The following FRMD5 variants were observed in gnomAD, a reference collection of about 807,000 sequenced individuals.
The protein encoded by FRMD5 is FERM domain containing 5.
In FRMD5, 20 loss-of-function variants were observed where a neutral mutation model predicts 69.0. That is an observed-to-expected ratio of 0.29 (90% CI 0.20 to 0.42). The LOEUF (loss-of-function observed/expected upper bound fraction) is 0.42. Among genes scored for constraint, FRMD5 ranks in the 10% least tolerant of loss-of-function variants. The probability of loss-of-function intolerance (pLI) is 1.00; values close to 1 mark genes in which losing one functional copy is unlikely to be tolerated. For missense variants in FRMD5, 595 were observed against 708.6 expected (o/e 0.84, Z 1.82); for synonymous variants, 271 against 260.1 (o/e 1.04, Z -0.40).
chr15:44,154,811 A>C (rs146825946), intron 1 of FRMD5, among the ~76,000 whole-genome samples: 50 of 152,306 alleles, frequency 3.3e-4, no homozygotes, highest in South Asian at 1.5e-3. Flanking sequence ...TAAGGGGTGC[A>C]GGGTTTCATT....
At chr15:44,190,019 A>G (rs1181246758) in intron 1 of FRMD5, among the ~76,000 whole-genome samples, 1 of 152,218 alleles carries the variant, frequency 6.6e-6, no homozygotes, top group Non-Finnish European at 1.5e-5. Flanking sequence ...AGTCAAGACC[A>G]GAAAACAGGG....
chr15:43,924,155 GTCT>G (rs745672760), intron 2 of FRMD5, 47 bp downstream of exon 2: 5 of 1,365,434 alleles, frequency 3.7e-6, no homozygotes, highest in African/African-American at 1.4e-5. Flanking sequence ...CAAGACCTCA[GTCT>G]TATTGACTAG....
At chr15:44,139,290 CCTCT>C (rs1276847796) in intron 1 of FRMD5, among the ~76,000 whole-genome samples, 2 of 144,990 alleles carry the variant, frequency 1.4e-5, no homozygotes, top group Admixed American at 6.8e-5. Context: ...TATAGCTCCC[CCTCT>C]CTCTACACAC....
chr15:43,912,539 G>A (rs924571299), intron 4 of FRMD5, among the ~76,000 whole-genome samples: 9 of 151,868 alleles, frequency 5.9e-5, no homozygotes, highest in African/African-American at 1.7e-4. Context: ...CACGCATCAC[G>A]TCTTCCATGT....
chr15:43,878,997 G>C (rs891420973), intron 13 of FRMD5, among the ~76,000 whole-genome samples: 3 of 145,506 alleles, frequency 2.1e-5, no homozygotes, highest in Non-Finnish European at 1.5e-5. Context: ...GAGTGCAATG[G>C]TGCAATCTCG....
chr15:43,950,847 T>A (rs868159608), intron 1 of FRMD5, among the ~76,000 whole-genome samples: 1 of 152,212 alleles, frequency 6.6e-6, no homozygotes, highest in South Asian at 2.1e-4. Flanking sequence ...TCCCCTGCCA[T>A]CATTTTGGTA....
intron 5 of FRMD5, among the ~76,000 whole-genome samples, chr15:43,906,671 G>A: frequency 6.6e-6 from 1 of 151,326 alleles, no homozygotes; most frequent in Non-Finnish European, 1.5e-5. Flanking sequence ...GTGCGATCTT[G>A]GCTCACTGCA....
chr15:44,127,122 G>A (rs577588719), intron 1 of FRMD5, among the ~76,000 whole-genome samples: 15 of 152,164 alleles, frequency 9.9e-5, no homozygotes, highest in Admixed American at 6.5e-4. Context: ...TCGCTCTGTC[G>A]CCCAGGCTTG....
intron 1 of FRMD5, among the ~76,000 whole-genome samples, chr15:44,093,189 C>A (rs1293484005): frequency 5.3e-5 from 8 of 152,070 alleles, no homozygotes; most frequent in Non-Finnish European, 1.2e-4. Context: ...CTCAACCTCC[C>A]AAAGCGCTGG....
At chr15:43,971,004 C>T (rs1377496793) in intron 1 of FRMD5, among the ~76,000 whole-genome samples, 1 of 152,010 alleles carries the variant, frequency 6.6e-6, no homozygotes, top group African/African-American at 2.4e-5. Flanking sequence ...AATCCCAATG[C>T]TTTGGGAGGG....
intron 1 of FRMD5, among the ~76,000 whole-genome samples, chr15:43,938,228 T>C (rs1371938395): frequency 1.9e-5 from 2 of 104,768 alleles, no homozygotes; most frequent in East Asian, 2.7e-4. Context: ...CGAGACTCCG[T>C]CTCAAAAAAA....
intron 1 of FRMD5, among the ~76,000 whole-genome samples, chr15:44,167,323 G>A (rs186900444): frequency 5.9e-4 from 89 of 151,572 alleles, no homozygotes; most frequent in African/African-American, 2.0e-3. Flanking sequence ...AGCCAAGATC[G>A]CATCACTGCA....
At chr15:44,027,097 CTG>C (rs1439992581) in intron 1 of FRMD5, among the ~76,000 whole-genome samples, 2 of 152,224 alleles carry the variant, frequency 1.3e-5, no homozygotes, top group African/African-American at 4.8e-5. Context: ...TGTTCACAAA[CTG>C]TGGACAATGA....
At chr15:43,988,467 TG>T (rs1416007954) in intron 1 of FRMD5, among the ~76,000 whole-genome samples, 1 of 143,686 alleles carries the variant, frequency 7.0e-6, no homozygotes, top group Middle Eastern at 3.5e-3. Context: ...GAAACATAAG[TG>T]TTTTTTTTAT....
At chr15:43,910,772 C>A (rs918762688) in intron 4 of FRMD5, among the ~76,000 whole-genome samples, 1 of 152,158 alleles carries the variant, frequency 6.6e-6, no homozygotes, top group Non-Finnish European at 1.5e-5. Context: ...CCAGGTGTTA[C>A]ACACTTTACA....
chr15:44,098,119 A>AC lies in FRMD5; in HGVS notation c.102+96833_102+96834insG, dbSNP rs1555403622. 5.0e-4 allele frequency among the ~76,000 whole-genome samples: 55 copies of AC among 109,814 alleles called. No individual in the cohort carries two copies. In the Middle Eastern group the frequency reaches 0.012, roughly 25 times the overall value. The allele number at this position is 109,814 out of a possible 152,430, so 72.0% of individuals were successfully genotyped here. A position where few individuals can be genotyped will look rare whatever the true frequency, so the allele number is the denominator to read the frequency against. On this transcript the variant is annotated intron_variant, in intron 1 of 13. Transcript: ENST00000417257. ...CAAAAGTTCAGAGTGACAAAACAAA[A>AC]AAAAAAAAACTAAACAACAACAACA...
chr15:44,091,554 A>C (rs944257090), intron 1 of FRMD5, among the ~76,000 whole-genome samples: 3 of 152,186 alleles, frequency 2.0e-5, no homozygotes, highest in African/African-American at 7.2e-5. Context: ...CTTTGGAAGA[A>C]GATAAATCAC....
At chr15:44,004,269 T>C (rs934749584) in intron 1 of FRMD5, among the ~76,000 whole-genome samples, 1 of 152,260 alleles carries the variant, frequency 6.6e-6, no homozygotes, top group Non-Finnish European at 1.5e-5. Context: ...TTATTTAACA[T>C]GTATGTATAC....
intron 13 of FRMD5, among the ~76,000 whole-genome samples, chr15:43,881,226 G>C (rs1265380314): frequency 6.6e-6 from 1 of 152,172 alleles, no homozygotes; most frequent in South Asian, 2.1e-4. Flanking sequence ...TGGAGGATGG[G>C]GATGGACCCT....
Sources: gnomAD v4.1 joint callset for allele counts (sites outside exome capture counted in the v4.1 genomes callset) on GRCh38, gnomAD v4.1.1 for gene constraint, MANE v1.5 for transcripts, NCBI Gene and HGNC (gene_info 2026-07-23, HGNC 2026-07-21) for gene names.